TP53RK: variants seen among roughly 807,000 people sequenced by gnomAD.
TP53RK encodes the protein EKC/KEOPS complex subunit TP53RK.
Under a neutral mutation model 14.9 loss-of-function variants are expected in TP53RK, and 17 were observed. That is an observed-to-expected ratio of 1.14 (90% confidence interval 0.78 to 1.71). The LOEUF is 1.71. Among genes scored for constraint, TP53RK ranks in the 40% most tolerant of loss-of-function variants. The pLI is 0.00. For missense variants in TP53RK, 343 were observed against 332.0 expected, an observed-to-expected ratio of 1.03 and a Z score of -0.26; for synonymous variants, 131 against 138.0, an observed-to-expected ratio of 0.95 and a Z score of 0.36.
Position 46,686,860 on chromosome 20 carries a change from C to T in TP53RK, c.655G>A (p.Glu219Lys), listed in dbSNP as rs753907842. Residue 219 changes from glutamate (E) to lysine (K), a missense_variant, in exon 2 of 2, where the codon GAA (glutamate) becomes AAA (lysine). Coordinates refer to ENST00000372114, the MANE Select transcript of TP53RK (RefSeq NM_033550.4). ...STHPNTETVFEAFLKSYSTSS... is the reference protein window; with the variant it reads ...STHPNTETVFKAFLKSYSTSS... ...GTGGAGTAGCTCTTCAGAAAGGCTTCAAACACAGTTTCAGTGTTGGGATGG... is the reference window on the plus strand; with the variant it reads ...GTGGAGTAGCTCTTCAGAAAGGCTTTAAACACAGTTTCAGTGTTGGGATGG... 1 of 1,614,068 alleles carries T rather than the reference C, an allele frequency of 6.2e-7. No individual in the cohort carries two copies. The highest frequency in any genetic ancestry group is 8.5e-7 in the Non-Finnish European group (1 of 1,180,050).
In TP53RK at chr20:46,687,185, G is replaced by T. The variant is rs1387898865; in HGVS notation, c.330C>A (p.Cys110Ter). Residue 110 changes from cysteine (C) to a stop codon, truncating the protein, a stop_gained, in exon 2 of 2, where the codon TGC (cysteine) becomes TGA (stop). Transcript: ENST00000372114. LOFTEE classifies it high-confidence loss of function. The part of the protein sequence containing the change: ...VVFFVDYASN[C>*]LYMEEIEGSV... ...AGCCTTCAATTTCTTCCATATATAA[G>T]CAGTTGGAAGCATAGTCCACAAAAA... 8 of 1,608,956 alleles carry T rather than the reference G, an allele frequency of 5.0e-6. No homozygotes were observed. The highest frequency in any genetic ancestry group is 6.0e-6 in the Non-Finnish European group (7 of 1,176,462).
At position 46,687,104 on chromosome 20, in the gene TP53RK, CT is replaced by C. The variant is rs1440625096; in HGVS notation, c.410del (p.Gln137ArgfsTer6). ...QSTMETEKTP[Q>X]GLSNLAKTIG... ...TTGTCTTGGCTAAGTTGGAGAGACC[CT>C]GGGGAGTTTTTTCAGTCTCCATAGT... On this transcript the variant is annotated frameshift_variant, in exon 2 of 2. Coordinates refer to ENST00000372114, the MANE Select transcript of TP53RK (RefSeq NM_033550.4). LOFTEE classifies it high-confidence loss of function. The C allele has an allele frequency of 6.2e-7, 1 of 1,614,136 alleles. No individual in the cohort carries two copies. The highest frequency in any genetic ancestry group is 2.2e-5 in the East Asian group (1 of 44,880).
chr20:46,686,505 C>A lies in TP53RK; in HGVS notation c.*248G>T. ...GTGGTTCAATGCCACACCCATGTAT[C>A]TGAGATATACATGTCACAATCTGGG... On this transcript the variant is annotated 3_prime_UTR_variant, in exon 2 of 2. Coordinates refer to ENST00000372114, the MANE Select transcript of TP53RK (RefSeq NM_033550.4). 1 of 498,716 alleles carries A rather than the reference C, an allele frequency of 2.0e-6. No homozygotes were observed. The highest frequency in any genetic ancestry group is 1.9e-5 in the African/African-American group (1 of 52,242). The allele number at this position is 498,716 out of a possible 1,614,324, so 30.9% of individuals were successfully genotyped here. A position where few individuals can be genotyped will look rare whatever the true frequency, so the allele number is the denominator to read the frequency against.
Position 46,686,877 on chromosome 20 carries a change from T to C in TP53RK, c.638A>G (p.Asn213Ser). 1 of 1,614,092 alleles carries C rather than the reference T, an allele frequency of 6.2e-7. No homozygotes were observed. Among genetic ancestry groups the C allele is most frequent in the Non-Finnish European group, 8.5e-7 (1 of 1,180,010 alleles). The change falls in exon 2 of 2, where the codon AAC (asparagine) becomes AGC (serine). Residue 213 changes from asparagine to serine, a missense_variant. Coordinates refer to ENST00000372114, the MANE Select transcript of TP53RK (RefSeq NM_033550.4). ...AAAGGCTTCAAACACAGTTTCAGTG[T>C]TGGGATGGGTACTGAGGAAGGCCTT... ...LEKAFLSTHP[N>S]TETVFEAFLK...
chr20:46,684,403 C>T lies in TP53RK; in HGVS notation c.*2350G>A, dbSNP rs560058449. On this transcript the variant is annotated 3_prime_UTR_variant, in exon 2 of 2. Coordinates refer to ENST00000372114, the MANE Select transcript of TP53RK (RefSeq NM_033550.4). Reference sequence around the variant, plus strand: ...AAAAGTTTAATAACTCACAGTTCAGCATGGCTGGGGATGCCTCAGAAAACT... The same window carrying T: ...AAAAGTTTAATAACTCACAGTTCAGTATGGCTGGGGATGCCTCAGAAAACT... 2.0e-5 allele frequency: 3 copies of T among 152,360 alleles called. No individual in the cohort carries two copies. The highest frequency in any genetic ancestry group is 7.2e-5 in the African/African-American group (3 of 41,568). 9.4% of individuals were successfully genotyped at this position (152,360 alleles called of 1,614,324 possible).
At chr20:46,687,728 G>GT (rs1174824977) in intron 1 of TP53RK, among the ~76,000 whole-genome samples, 3 of 152,200 alleles carry the variant, frequency 2.0e-5, no homozygotes, top group African/African-American at 4.8e-5. Flanking sequence ...CTCAGGGAGC[G>GT]TAAGTTGCAG....
Position 46,687,171 on chromosome 20 carries a change from T to C in TP53RK, c.344A>G (p.Glu115Gly), listed in dbSNP as rs777637012. 2.5e-6 allele frequency: 4 copies of C among 1,613,714 alleles called. No individual in the cohort carries two copies. The South Asian group carries it at 4.4e-5, about 18-fold the overall frequency. Residue 115 changes from glutamate (E) to glycine (G), a missense_variant, in exon 2 of 2, where the codon GAA becomes GGA. By Grantham distance (98) the Glu-to-Gly change is moderately conservative (BLOSUM62 -2). Coordinates refer to ENST00000372114, the MANE Select transcript of TP53RK (RefSeq NM_033550.4). ...DYASNCLYME[E>G]IEGSVTVRDY... ...TCGAACAGTCACTGAGCCTTCAATT[T>C]CTTCCATATATAAGCAGTTGGAAGC... is the stretch of plus-strand genomic sequence containing the variant.
Position 46,688,978 on chromosome 20 carries a change from G to A in TP53RK, c.283+154C>T, listed in dbSNP as rs896565513. On this transcript the variant is annotated intron_variant, in intron 1 of 1. Transcript: ENST00000372114. ...TTAAGACTTAACGAATGAAAAAAGGGATGAAAGAATAACATTTCCGAAAGG... is the reference window on the plus strand; with the variant it reads ...TTAAGACTTAACGAATGAAAAAAGGAATGAAAGAATAACATTTCCGAAAGG... 9.1e-6 allele frequency: 8 copies of A among 879,822 alleles called. No individual in the cohort carries two copies. In the Admixed American group the frequency reaches 2.9e-4, roughly 32 times the overall value. The allele number at this position is 879,822 out of a possible 1,614,324, so 54.5% of individuals were successfully genotyped here.
At chr20:46,688,980 T>A in intron 1 of TP53RK, 152 bp downstream of exon 1, 1 of 900,202 alleles carries the variant, frequency 1.1e-6, no homozygotes, top group Non-Finnish European at 1.5e-6. Context: ...AAAAAAGGGA[T>A]GAAAGAATAA....
At chr20:46,687,350 G>C in intron 1 of TP53RK, 119 bp from the exon 2 acceptor site, 1 of 891,934 alleles carries the variant, frequency 1.1e-6, no homozygotes. Flanking sequence ...ATTGAGGAAT[G>C]CTACAGGAAA....
Position 46,689,205 on chromosome 20 carries a change from C to G in TP53RK, c.210G>C (p.Pro70=). The G allele has an allele frequency of 2.0e-6, 3 of 1,524,170 alleles. No homozygotes were observed. The South Asian group carries it at 3.6e-5, about 18-fold the overall frequency. 94.4% of individuals were successfully genotyped at this position (1,524,170 alleles called of 1,614,324 possible). A position where few individuals can be genotyped will look rare whatever the true frequency, so the allele number is the denominator to read the frequency against. ...KHRFPKGYRH[P]ALEARLGRRR... ...GTCTGCCAAGCCGCGCCTCCAGCGC[C>G]GGGTGCCGGTAGCCCTTGGGGAAGC... The change falls in exon 1 of 2, where the codon CCG becomes CCC. Residue 70 remains proline, a synonymous_variant. Transcript: ENST00000372114.
intron 1 of TP53RK, among the ~76,000 whole-genome samples, chr20:46,688,520 A>AT (rs2063191083): frequency 6.6e-6 from 1 of 152,272 alleles, no homozygotes; most frequent in Non-Finnish European, 1.5e-5. Flanking sequence ...AAAATAGGCA[A>AT]TTTAATGAAA....
At chr20:46,687,478 C>T (rs2063185769) in intron 1 of TP53RK, among the ~76,000 whole-genome samples, 1 of 152,126 alleles carries the variant, frequency 6.6e-6, no homozygotes, top group Non-Finnish European at 1.5e-5. Flanking sequence ...TTCCAAACCA[C>T]CCTTTCTCAC....
chr20:46,689,420 C>T lies in TP53RK; in HGVS notation c.-6G>A. Reference sequence around the variant, plus strand: ...GTAGCTCTGGCCGCCGCCATGACTGCTCGGCGCAACAGCTCCAACCGATCA... The same window carrying T: ...GTAGCTCTGGCCGCCGCCATGACTGTTCGGCGCAACAGCTCCAACCGATCA... On this transcript the variant is annotated 5_prime_UTR_variant, in exon 1 of 2. Coordinates refer to ENST00000372114, the MANE Select transcript of TP53RK (RefSeq NM_033550.4). The T allele has an allele frequency of 6.5e-7, 1 of 1,548,838 alleles. No homozygotes were observed. Among genetic ancestry groups the T allele is most frequent in the Non-Finnish European group, 8.6e-7 (1 of 1,159,354 alleles).
Position 46,689,424 on chromosome 20 carries a change from G to T in TP53RK, c.-10C>A. 1 of 1,543,102 alleles carries T rather than the reference G, an allele frequency of 6.5e-7. No homozygotes were observed. The highest frequency in any genetic ancestry group is 8.6e-7 in the Non-Finnish European group (1 of 1,156,938). ...CTCTGGCCGCCGCCATGACTGCTCG[G>T]CGCAACAGCTCCAACCGATCAGCTG... On this transcript the variant is annotated 5_prime_UTR_variant, in exon 1 of 2. Coordinates refer to ENST00000372114, the MANE Select transcript of TP53RK (RefSeq NM_033550.4).
At chr20:46,688,537 A>T (rs1260068887) in intron 1 of TP53RK, among the ~76,000 whole-genome samples, 1 of 152,262 alleles carries the variant, frequency 6.6e-6, no homozygotes, top group African/African-American at 2.4e-5. Flanking sequence ...GAAATCCAAC[A>T]TTTATTGGGC....
In TP53RK at chr20:46,686,355, A is replaced by T. The variant is rs1035878539; in HGVS notation, c.*398T>A. 1 of 179,364 alleles carries T rather than the reference A, an allele frequency of 5.6e-6. No homozygotes were observed. Among genetic ancestry groups the T allele is most frequent in the Non-Finnish European group, 1.2e-5 (1 of 84,118 alleles). The allele number at this position is 179,364 out of a possible 1,614,324, so 11.1% of individuals were successfully genotyped here. A position where few individuals can be genotyped will look rare whatever the true frequency, so the allele number is the denominator to read the frequency against. ...ATTAAACTGGTTTCAAAATAAATAT[A>T]ACATGTACACAACAACAACAAAAAA... On this transcript the variant is annotated 3_prime_UTR_variant, in exon 2 of 2. Transcript: ENST00000372114.
chr20:46,687,386 A>T (rs553185562), intron 1 of TP53RK, among the ~76,000 whole-genome samples, 155 bp from the exon 2 acceptor site: 2 of 152,316 alleles, frequency 1.3e-5, no homozygotes, highest in East Asian at 3.9e-4. Flanking sequence ...CATCTGGAAT[A>T]TTCCCCTGCT....
chr20:46,688,771 A>C (rs1240668754), intron 1 of TP53RK, among the ~76,000 whole-genome samples: 1 of 152,246 alleles, frequency 6.6e-6, no homozygotes, highest in East Asian at 1.9e-4. Context: ...TTGTCATTAC[A>C]TGTTTCTTAA....
Sources: allele counts gnomAD v4.1 joint callset (sites outside exome capture counted in the v4.1 genomes callset), GRCh38; gene constraint gnomAD v4.1.1; transcripts MANE v1.5; gene names NCBI Gene and HGNC (gene_info 2026-07-23, HGNC 2026-07-21).